TBCD: variants seen among roughly 807,000 people sequenced by gnomAD.
TBCD encodes tubulin-specific chaperone D.
A neutral mutation model predicts 169.3 loss-of-function variants in TBCD; 105 were observed. The observed-to-expected ratio is 0.62, with a 90% CI of 0.53 to 0.73. The LOEUF is 0.73. TBCD is among the 30% of genes least tolerant of loss of function. TBCD has a pLI of 0.00. For missense variants in TBCD, 1,444 were observed against 1,600.1 expected, an observed-to-expected ratio of 0.90 and a Z score of 1.66; for synonymous variants, 700 against 643.9, an observed-to-expected ratio of 1.09 and a Z score of -1.32.
intron 24 of TBCD, 76 bp from the exon 25 acceptor site, chr17:82,921,425 G>T: frequency 2.6e-6 from 3 of 1,168,526 alleles, no homozygotes; most frequent in Non-Finnish European, 3.9e-6. Context: ...AGTATTAATA[G>T]AAGCTGTTTT....
At chr17:82,768,621 C>T in intron 5 of TBCD, 55 bp downstream of exon 5, 1 of 1,587,802 alleles carries the variant, frequency 6.3e-7, no homozygotes, top group Non-Finnish European at 8.6e-7. Flanking sequence ...CATGTTCATG[C>T]TGTCTTGATG....
At chr17:82,921,394 G>C (rs966162971) in intron 24 of TBCD, 107 bp from the exon 25 acceptor site, 48 of 909,432 alleles carry the variant, frequency 5.3e-5, no homozygotes, top group Admixed American at 1.1e-4. Flanking sequence ...CCTCTCAAAG[G>C]TTACCATCGA....
chr17:82,915,908 T>C lies in TBCD; in HGVS notation c.2038+4119T>C, dbSNP rs944685937. ...GTGGGGGTGAGGGCTCCGTGCTCCA[T>C]CTCTGATGCCCTGTACACACCTGCC... On this transcript the variant is annotated intron_variant, in intron 23 of 38. Transcript: ENST00000355528. This position sits in a 1 kb window ranked among gnomAD's most constrained non-coding sequence, Gnocchi z 4.3. Among the ~76,000 whole-genome samples the C allele has an allele frequency of 6.6e-6, 1 of 152,164 alleles. No homozygotes were observed. The highest frequency in any genetic ancestry group is 2.4e-5 in the African/African-American group (1 of 41,444).
At chr17:82,813,589 C>T (rs751978962) in intron 12 of TBCD, among the ~76,000 whole-genome samples, 2 of 152,198 alleles carry the variant, frequency 1.3e-5, no homozygotes, top group Non-Finnish European at 2.9e-5. Context: ...TAGAAGTAGA[C>T]ATTGGTCTGA....
At chr17:82,779,581 C>A (rs2048813521) in intron 6 of TBCD, among the ~76,000 whole-genome samples, 2 of 152,184 alleles carry the variant, frequency 1.3e-5, no homozygotes, top group Admixed American at 1.3e-4. Flanking sequence ...GGCAGCGCTT[C>A]TGTTTTGTGA....
rs1310598440 is a variant in TBCD, at chr17:82,911,776, C to G, written c.2025C>G (p.Leu675=). The change falls in exon 23 of 39, where the codon CTC becomes CTG. Residue 675 remains leucine, a synonymous_variant. Coordinates refer to ENST00000355528, the MANE Select transcript of TBCD (RefSeq NM_005993.5). ...TTTTCAGGGGTCTGGGAGGACAGCT[C>G]ATGAGACAAGCAGGTAAGTCTGAAG... ...RQLYRGLGGQ[L]MRQAVCVLIE... is the part of the protein sequence containing the mutation. 1.2e-6 allele frequency: 2 copies of G among 1,613,916 alleles called. No homozygotes were observed. Among genetic ancestry groups the G allele is most frequent in the Admixed American group, 1.7e-5 (1 of 60,014 alleles).
chr17:82,881,178 G>T (rs2058328184), intron 14 of TBCD, among the ~76,000 whole-genome samples: 1 of 152,210 alleles, frequency 6.6e-6, no homozygotes, highest in African/African-American at 2.4e-5. Context: ...GGACGCTGGG[G>T]TCTCTCTCGG....
intron 37 of TBCD, among the ~76,000 whole-genome samples, chr17:82,940,217 G>GCA (rs576338657): frequency 0.019 from 1,910 of 101,424 alleles, 42 homozygotes; most frequent in African/African-American, 0.061. Flanking sequence ...TCACTTGCAC[G>GCA]CGCGCACACA....
chr17:82,815,479 G>T (rs1167738804), intron 13 of TBCD, among the ~76,000 whole-genome samples: 1 of 152,242 alleles, frequency 6.6e-6, no homozygotes, highest in East Asian at 1.9e-4. Context: ...TGGAGGGCCA[G>T]GGGAGCTCTG....
At chr17:82,906,686 C>T (rs754453289) in intron 20 of TBCD, among the ~76,000 whole-genome samples, 4 of 152,234 alleles carry the variant, frequency 2.6e-5, no homozygotes, top group Non-Finnish European at 4.4e-5. Context: ...GTTTAAGAAA[C>T]GTTTTTAAGT....
intron 23 of TBCD, among the ~76,000 whole-genome samples, chr17:82,917,888 G>A (rs1002381223): frequency 3.3e-5 from 5 of 151,980 alleles, no homozygotes; most frequent in Non-Finnish European, 7.4e-5. Context: ...GTTGGCCCCC[G>A]CCGCTCTGTC....
intron 7 of TBCD, among the ~76,000 whole-genome samples, chr17:82,791,258 A>AT (rs1191266930): frequency 6.6e-6 from 1 of 151,530 alleles, no homozygotes; most frequent in East Asian, 1.9e-4. Flanking sequence ...CGCCTGGCTA[A>AT]TTTTTTTGTA....
chr17:82,888,185 C>T (rs1336608859), intron 15 of TBCD, among the ~76,000 whole-genome samples: 2 of 152,198 alleles, frequency 1.3e-5, no homozygotes, highest in East Asian at 1.9e-4. Flanking sequence ...CGCCCGGTCC[C>T]GGGGATGCTG....
In TBCD at chr17:82,782,818, C is replaced by T. The variant is rs540642801; in HGVS notation, c.771+1097C>T. On this transcript the variant is annotated intron_variant, in intron 7 of 38. Coordinates refer to ENST00000355528, the MANE Select transcript of TBCD (RefSeq NM_005993.5). This position sits in a 1 kb window ranked among gnomAD's most constrained non-coding sequence, Gnocchi z 5.1. ...GGCGTCGTCCTGTCTGCGGTGGCGTCGTCCTGTCTGCGGTGGCGTCCTCCT... is the reference window on the plus strand; with the variant it reads ...GGCGTCGTCCTGTCTGCGGTGGCGTTGTCCTGTCTGCGGTGGCGTCCTCCT... 5.3e-5 allele frequency among the ~76,000 whole-genome samples: 8 copies of T among 150,850 alleles called. No homozygotes were observed. Among genetic ancestry groups the T allele is most frequent in the Non-Finnish European group, 7.4e-5 (5 of 67,560 alleles).
intron 21 of TBCD, 140 bp downstream of exon 21, chr17:82,907,961 C>A: frequency 1.2e-6 from 1 of 843,498 alleles, no homozygotes; most frequent in Non-Finnish European, 1.8e-6. Context: ...GGGGGACCTG[C>A]GGTGTGATCA....
intron 14 of TBCD, among the ~76,000 whole-genome samples, chr17:82,881,533 A>G (rs1300662012): frequency 6.6e-6 from 1 of 152,132 alleles, no homozygotes; most frequent in Non-Finnish European, 1.5e-5. Flanking sequence ...CCCAGCCGAT[A>G]CGGGCCTGCT....
intron 1 of TBCD, among the ~76,000 whole-genome samples, chr17:82,755,615 T>C (rs1368973980): frequency 6.6e-6 from 1 of 152,196 alleles, no homozygotes; most frequent in Non-Finnish European, 1.5e-5. Context: ...ATGAGGCCTA[T>C]GTGGACCACT....
rs1314895460 is a variant in TBCD, at chr17:82,752,144, G to A, written c.-50G>A. The A allele has an allele frequency of 2.1e-6, 3 of 1,461,926 alleles. No individual in the cohort carries two copies. The highest frequency in any genetic ancestry group is 2.7e-5 in the Admixed American group (1 of 37,040). 90.6% of individuals were successfully genotyped at this position (1,461,926 alleles called of 1,614,324 possible). On this transcript the variant is annotated 5_prime_UTR_variant, in exon 1 of 39. In the 5' UTR this introduces an upstream ATG that the reference lacks. Coordinates refer to ENST00000355528, the MANE Select transcript of TBCD (RefSeq NM_005993.5). Reference sequence around the variant, plus strand: ...TCCCTGGCTTTCGCGCTCTAGCGGAGTGGGATCTGCGAACACGTGAGGCGG... The same window carrying A: ...TCCCTGGCTTTCGCGCTCTAGCGGAATGGGATCTGCGAACACGTGAGGCGG...
chr17:82,814,475 T>C (rs1409582375), intron 12 of TBCD, among the ~76,000 whole-genome samples: 3 of 152,238 alleles, frequency 2.0e-5, no homozygotes, highest in Non-Finnish European at 4.4e-5. Flanking sequence ...GCTGTTGTCT[T>C]CATACTCAGT....
Sources: allele counts gnomAD v4.1 joint callset (sites outside exome capture counted in the v4.1 genomes callset), GRCh38; gene constraint gnomAD v4.1.1; non-coding constraint Gnocchi (gnomAD v3.1); transcripts MANE v1.5; gene names NCBI Gene and HGNC (gene_info 2026-07-23, HGNC 2026-07-21).